Variants in CNBD2 observed in about 807,000 individuals in gnomAD.
CNBD2 encodes cyclic nucleotide binding domain containing 2, also known as cyclic nucleotide-binding domain-containing protein 2.
Under a neutral mutation model 63.7 loss-of-function variants are expected in CNBD2, and 64 were observed. The observed-to-expected ratio is 1.00, with a 90% CI of 0.82 to 1.24. CNBD2 has a LOEUF of 1.24. Among genes scored for constraint, CNBD2 ranks in the 50% most tolerant of loss-of-function variants. The pLI, the probability that CNBD2 is intolerant of heterozygous loss-of-function variation, is 0.00. For synonymous variants in CNBD2, 229 were observed against 255.4 expected, an observed-to-expected ratio of 0.90 and a Z score of 0.99; for missense variants, 691 against 713.5, an observed-to-expected ratio of 0.97 and a Z score of 0.36.
intron 11 of CNBD2, 27 bp from the exon 12 acceptor site, chr20:36,030,330 A>G (rs1462476068): frequency 6.2e-7 from 1 of 1,610,960 alleles, no homozygotes; most frequent in African/African-American, 1.3e-5. Flanking sequence ...TGGCATGAGA[A>G]CCTCGGCTTC....
chr20:35,995,598 C>G (rs1461611661), intron 8 of CNBD2, among the ~76,000 whole-genome samples: 1 of 152,168 alleles, frequency 6.6e-6, no homozygotes, highest in Non-Finnish European at 1.5e-5. Context: ...GATATCATTT[C>G]TTCATTCTGT....
At chr20:36,017,300 A>C (rs2057148459) in intron 10 of CNBD2, among the ~76,000 whole-genome samples, 1 of 152,104 alleles carries the variant, frequency 6.6e-6, no homozygotes, top group Non-Finnish European at 1.5e-5. Context: ...GTTATTCAGC[A>C]TCTGGGAAAC....
intron 8 of CNBD2, among the ~76,000 whole-genome samples, chr20:36,001,740 G>A (rs7409708): frequency 4.7e-5 from 7 of 148,238 alleles, no homozygotes; most frequent in East Asian, 2.1e-4. Flanking sequence ...GGGTAGAGGC[G>A]CTCCTCACAT....
Position 35,976,003 on chromosome 20 carries a change from G to C in CNBD2, c.243+1G>C. On this transcript the variant is annotated splice_donor_variant, in intron 3 of 11. Transcript: ENST00000373973. LOFTEE classifies it high-confidence loss of function. Reference sequence around the variant, plus strand: ...TACCATGGACTTCATTGCAGAGGAGGTATGCATAGCTCGAAACTTGCTGTG... The same window carrying C: ...TACCATGGACTTCATTGCAGAGGAGCTATGCATAGCTCGAAACTTGCTGTG... The C allele has an allele frequency of 6.2e-7, 1 of 1,608,954 alleles. No homozygotes were observed. Among genetic ancestry groups the C allele is most frequent in the Non-Finnish European group, 8.5e-7 (1 of 1,175,798 alleles).
chr20:35,979,724 G>A (rs2056570680), intron 3 of CNBD2, among the ~76,000 whole-genome samples: 1 of 152,208 alleles, frequency 6.6e-6, no homozygotes, highest in African/African-American at 2.4e-5. Flanking sequence ...AGACCAGAAT[G>A]ATGAGTCAGC....
intron 3 of CNBD2, among the ~76,000 whole-genome samples, chr20:35,976,818 C>T (rs1195376862): frequency 6.6e-6 from 1 of 152,160 alleles, no homozygotes; most frequent in East Asian, 1.9e-4. Flanking sequence ...TTGATCCTGG[C>T]TTGGAGTAGC....
chr20:35,970,647 C>T (rs1159364501), intron 1 of CNBD2, among the ~76,000 whole-genome samples: 1 of 152,128 alleles, frequency 6.6e-6, no homozygotes, highest in East Asian at 1.9e-4. Context: ...ATCAGCCCAC[C>T]TTGGCCTCCC....
intron 5 of CNBD2, 116 bp downstream of exon 5, chr20:35,984,254 T>C: frequency 1.8e-6 from 2 of 1,085,540 alleles, no homozygotes; most frequent in Middle Eastern, 3.1e-4. Context: ...CAAGTCAGTG[T>C]CCCGTGTGGG....
In CNBD2 at chr20:36,008,446, C is replaced by A; in HGVS notation, c.1120C>A (p.Leu374Ile). The change falls in exon 9 of 12, where the codon CTC becomes ATC. Residue 374 changes from leucine (L) to isoleucine (I), a missense_variant. Physicochemically the swap from Leu to Ile is conservative, Grantham distance 5. Coordinates refer to ENST00000373973, the MANE Select transcript of CNBD2 (RefSeq NM_001365709.1). ...GAAGATCAGAACCTCAGGAGACACTCTCCCCAAGATGCTGGGCCCGAAGAT... is the reference window on the plus strand; with the variant it reads ...GAAGATCAGAACCTCAGGAGACACTATCCCCAAGATGCTGGGCCCGAAGAT... Reference protein sequence around the residue: ...SRKIRTSGDTLPKMLGPKIQS... With the variant: ...SRKIRTSGDTIPKMLGPKIQS... The A allele has an allele frequency of 6.2e-7, 1 of 1,613,326 alleles. No homozygotes were observed. The highest frequency in any genetic ancestry group is 1.7e-5 in the Admixed American group (1 of 59,740).
At chr20:36,014,400 G>A (rs900886588) in intron 10 of CNBD2, among the ~76,000 whole-genome samples, 1 of 139,976 alleles carries the variant, frequency 7.1e-6, no homozygotes, top group Non-Finnish European at 1.5e-5. Context: ...CGCCATCTCG[G>A]CTCACTGTGA....
chr20:35,955,107 T>G (rs1374597430), exon 1 of CNBD2: 1 of 171,018 alleles, frequency 5.8e-6, no homozygotes, highest in Non-Finnish European at 1.4e-5. Flanking sequence ...TGGGTTCTGT[T>G]AACGTCAGCA....
chr20:36,024,697 G>A (rs2147374456), intron 11 of CNBD2, among the ~76,000 whole-genome samples: 1 of 151,960 alleles, frequency 6.6e-6, no homozygotes, highest in Non-Finnish European at 1.5e-5. Flanking sequence ...GGGAGGCCGA[G>A]GCAGGTGGAT....
At position 36,011,266 on chromosome 20, in the gene CNBD2, G is replaced by C; in HGVS notation, c.1269+9G>C. 3 of 1,544,158 alleles carry C rather than the reference G, an allele frequency of 1.9e-6. No individual in the cohort carries two copies. The highest frequency in any genetic ancestry group is 2.6e-6 in the Non-Finnish European group (3 of 1,143,272). ...AGCAGGGAGAAATTTTGGTGAGTGTGCCAAGAGCTCTGTTCACCATGGAGT... is the reference window on the plus strand; with the variant it reads ...AGCAGGGAGAAATTTTGGTGAGTGTCCCAAGAGCTCTGTTCACCATGGAGT... On this transcript the variant is annotated intron_variant, in intron 10 of 11. Coordinates refer to ENST00000373973, the MANE Select transcript of CNBD2 (RefSeq NM_001365709.1).
chr20:35,984,231 C>A, intron 5 of CNBD2, 93 bp downstream of exon 5: 3 of 1,339,742 alleles, frequency 2.2e-6, no homozygotes, highest in Non-Finnish European at 3.1e-6. Context: ...CCAGTCCTGC[C>A]TAGTACTCTG....
intron 8 of CNBD2, among the ~76,000 whole-genome samples, chr20:35,999,287 C>T (rs2056866516): frequency 6.6e-6 from 1 of 152,134 alleles, no homozygotes; most frequent in Non-Finnish European, 1.5e-5. Flanking sequence ...TAATCATTGA[C>T]ATTTAATGTT....
At chr20:36,003,653 G>A (rs1479153159) in intron 8 of CNBD2, among the ~76,000 whole-genome samples, 2 of 152,088 alleles carry the variant, frequency 1.3e-5, no homozygotes, top group Middle Eastern at 3.2e-3. Context: ...CCCCAGCCTT[G>A]GGTAGTATAC....
intron 3 of CNBD2, among the ~76,000 whole-genome samples, chr20:35,977,073 T>A (rs2056530903): frequency 6.6e-6 from 1 of 152,222 alleles, no homozygotes; most frequent in South Asian, 2.1e-4. Context: ...TGTGTGACAC[T>A]GAGCACTGAA....
upstream of CNBD2, among the ~76,000 whole-genome samples, chr20:35,966,997 T>C (rs1428034915): frequency 6.6e-6 from 1 of 152,044 alleles, no homozygotes; most frequent in Admixed American, 6.6e-5. Context: ...AGCTCCAGAG[T>C]AGAAACCTCT....
chr20:36,008,529 T>C, intron 9 of CNBD2, 55 bp downstream of exon 9: 1 of 1,510,696 alleles, frequency 6.6e-7, no homozygotes, highest in African/African-American at 1.4e-5. Context: ...CAAAGGGAGA[T>C]AATACTTATA....
Sources: gnomAD v4.1 joint callset for allele counts (sites outside exome capture counted in the v4.1 genomes callset) on GRCh38, gnomAD v4.1.1 for gene constraint, MANE v1.5 for transcripts, NCBI Gene and HGNC (gene_info 2026-07-23, HGNC 2026-07-21) for gene names.